Variants in GULP1 observed in about 807,000 individuals in gnomAD.
The protein encoded by GULP1 is PTB domain-containing engulfment adapter protein 1.
A neutral mutation model predicts 40.9 loss-of-function variants in GULP1; 19 were observed. The ratio of observed to expected loss-of-function variants is 0.46; its 90% CI spans 0.32 to 0.68. GULP1 has a LOEUF of 0.68. Among genes scored for constraint, GULP1 ranks in the 30% least tolerant of loss-of-function variants. The probability of loss-of-function intolerance (pLI) is 0.03; values close to 1 mark genes in which losing one functional copy is unlikely to be tolerated. For missense variants in GULP1, 312 were observed against 362.2 expected, an observed-to-expected ratio of 0.86 and a Z score of 1.12; for synonymous variants, 119 against 117.6, an observed-to-expected ratio of 1.01 and a Z score of -0.08.
At chr2:188,456,648 G>A (rs1206600360) in intron 2 of GULP1, among the ~76,000 whole-genome samples, 1 of 152,228 alleles carries the variant, frequency 6.6e-6, no homozygotes, top group Non-Finnish European at 1.5e-5. Flanking sequence ...AGCGAGGAAG[G>A]GAAATGTGGG....
chr2:188,491,855 C>T (rs1045528275), intron 4 of GULP1, among the ~76,000 whole-genome samples: 3 of 152,086 alleles, frequency 2.0e-5, no homozygotes, highest in Admixed American at 2.0e-4. Context: ...TTTTGAACTA[C>T]AGGAAACTTC....
chr2:188,400,532 G>A (rs2052081060), intron 2 of GULP1, among the ~76,000 whole-genome samples: 1 of 152,150 alleles, frequency 6.6e-6, no homozygotes, highest in Non-Finnish European at 1.5e-5. Flanking sequence ...AAGGAAACAT[G>A]TAAGGGATTT....
intron 4 of GULP1, among the ~76,000 whole-genome samples, chr2:188,517,795 T>A (rs530194646): frequency 6.6e-6 from 1 of 152,038 alleles, no homozygotes; most frequent in East Asian, 1.9e-4. Flanking sequence ...GGAGCCAGGC[T>A]GAGAAAAGAG....
chr2:188,465,037 T>A (rs921257676), intron 2 of GULP1, among the ~76,000 whole-genome samples: 2 of 151,596 alleles, frequency 1.3e-5, no homozygotes, highest in Admixed American at 1.3e-4. Flanking sequence ...TGCAAGACAA[T>A]GTCCCCTTTA....
chr2:188,355,389 C>G (rs562063872), intron 1 of GULP1, among the ~76,000 whole-genome samples: 1 of 152,024 alleles, frequency 6.6e-6, no homozygotes, highest in Non-Finnish European at 1.5e-5. Context: ...TCATTAGAGA[C>G]TATTATGAAC....
chr2:188,346,388 G>A (rs1267082652), intron 1 of GULP1, among the ~76,000 whole-genome samples: 1 of 152,102 alleles, frequency 6.6e-6, no homozygotes, highest in Non-Finnish European at 1.5e-5. Flanking sequence ...CTAGACTTAA[G>A]TGTAAACAAA....
chr2:188,452,597 G>A (rs1021127735), intron 2 of GULP1, among the ~76,000 whole-genome samples: 1 of 152,092 alleles, frequency 6.6e-6, no homozygotes, highest in Admixed American at 6.6e-5. Flanking sequence ...TAAATACACT[G>A]TTAATATGTG....
At chr2:188,500,453 C>CA (rs1435943723) in intron 4 of GULP1, among the ~76,000 whole-genome samples, 6 of 151,928 alleles carry the variant, frequency 3.9e-5, no homozygotes, top group Non-Finnish European at 7.4e-5. Flanking sequence ...CCAGCTGTGG[C>CA]AGTGTTAATA....
At chr2:188,368,715 A>T (rs1368021115) in intron 1 of GULP1, among the ~76,000 whole-genome samples, 1 of 151,832 alleles carries the variant, frequency 6.6e-6, no homozygotes, top group Admixed American at 6.6e-5. Flanking sequence ...GAAAGAAAAG[A>T]TAACCACAGC....
intron 4 of GULP1, among the ~76,000 whole-genome samples, chr2:188,520,985 C>T (rs1290407725): frequency 6.6e-6 from 1 of 151,578 alleles, no homozygotes; most frequent in Non-Finnish European, 1.5e-5. Flanking sequence ...CTGTATTTTC[C>T]CTTCTATTCT....
chr2:188,363,526 A>G (rs1408614885), intron 1 of GULP1, among the ~76,000 whole-genome samples: 1 of 152,194 alleles, frequency 6.6e-6, no homozygotes, highest in East Asian at 1.9e-4. Context: ...TAAGCTATCA[A>G]TGCCAGAGAG....
intron 2 of GULP1, among the ~76,000 whole-genome samples, chr2:188,429,740 G>A (rs1476786500): frequency 4.0e-5 from 6 of 151,728 alleles, no homozygotes; most frequent in South Asian, 2.1e-4. Flanking sequence ...ACGGAGTCTC[G>A]CTCTGTTGCC....
intron 2 of GULP1, among the ~76,000 whole-genome samples, chr2:188,388,648 A>G (rs72909566): frequency 0.011 from 1,739 of 152,314 alleles, 14 homozygotes; most frequent in Non-Finnish European, 0.02. Context: ...ATTAGTTTGC[A>G]GGCTTTTCCT....
At chr2:188,351,178 G>C (rs2044397690) in intron 1 of GULP1, among the ~76,000 whole-genome samples, 1 of 152,026 alleles carries the variant, frequency 6.6e-6, no homozygotes, top group East Asian at 1.9e-4. Flanking sequence ...AGACTAATTA[G>C]AAGTATTTTT....
At chr2:188,583,767 A>T (rs1701800838) in intron 9 of GULP1, among the ~76,000 whole-genome samples, 1 of 152,210 alleles carries the variant, frequency 6.6e-6, no homozygotes, top group South Asian at 2.1e-4. Context: ...TACAAACTAA[A>T]ATATACTCTA....
chr2:188,316,153 C>T (rs1300041408), intron 1 of GULP1, among the ~76,000 whole-genome samples: 3 of 152,158 alleles, frequency 2.0e-5, no homozygotes, highest in East Asian at 1.9e-4. Context: ...TGCTTGTATG[C>T]CTGATACAAC....
intron 7 of GULP1, among the ~76,000 whole-genome samples, chr2:188,564,075 G>C (rs1697028317): frequency 6.6e-6 from 1 of 151,862 alleles, no homozygotes. Context: ...ACCCATTGCT[G>C]ATAAAATTTA....
intron 1 of GULP1, among the ~76,000 whole-genome samples, chr2:188,313,513 G>C (rs1013751156): frequency 2.6e-5 from 4 of 152,162 alleles, no homozygotes; most frequent in African/African-American, 9.7e-5. Context: ...TTTGGTTACT[G>C]TAGCCTTGTA....
intron 6 of GULP1, among the ~76,000 whole-genome samples, chr2:188,535,803 A>G (rs949859072): frequency 6.6e-6 from 1 of 152,202 alleles, no homozygotes; most frequent in African/African-American, 2.4e-5. Flanking sequence ...ACTAAATTAC[A>G]TTCCCACCAA....
Sources: gnomAD v4.1 joint callset for allele counts (sites outside exome capture counted in the v4.1 genomes callset) on GRCh38, gnomAD v4.1.1 for gene constraint, MANE v1.5 for transcripts, NCBI Gene and HGNC (gene_info 2026-07-23, HGNC 2026-07-21) for gene names.